Variants in FUT8 observed in about 807,000 individuals in gnomAD.
The protein encoded by FUT8 is alpha-(1,6)-fucosyltransferase.
A neutral mutation model predicts 71.3 loss-of-function variants in FUT8; 29 were observed. That is an observed-to-expected ratio of 0.41 (90% confidence interval 0.30 to 0.55). The LOEUF is 0.55. Among genes scored for constraint, FUT8 ranks in the 20% least tolerant of loss-of-function variants. The pLI is 0.34. For missense variants in FUT8, 544 were observed against 702.1 expected, an observed-to-expected ratio of 0.77 and a Z score of 2.55; for synonymous variants, 254 against 239.3, an observed-to-expected ratio of 1.06 and a Z score of -0.57.
chr14:65,536,105 G>C (rs1456226613), intron 2 of FUT8, among the ~76,000 whole-genome samples: 1 of 152,024 alleles, frequency 6.6e-6, no homozygotes, highest in Non-Finnish European at 1.5e-5. Flanking sequence ...TTGCTTGGTA[G>C]ATTTTTCTCC....
intron 6 of FUT8, among the ~76,000 whole-genome samples, chr14:65,651,210 G>T (rs1428592107): frequency 1.3e-5 from 2 of 152,222 alleles, no homozygotes; most frequent in Non-Finnish European, 2.9e-5. Flanking sequence ...AAAAAAATCT[G>T]TGTTTGAAAT....
At position 65,638,289 on chromosome 14, in the gene FUT8, T is replaced by C. The variant is rs975427510; in HGVS notation, c.597+8683T>C. Among the ~76,000 whole-genome samples the C allele has an allele frequency of 6.6e-6, 1 of 152,162 alleles. No homozygotes were observed. Among genetic ancestry groups the C allele is most frequent in the Admixed American group, 6.5e-5 (1 of 15,280 alleles). On this transcript the variant is annotated intron_variant, in intron 6 of 10. Coordinates refer to ENST00000673929, the MANE Select transcript of FUT8 (RefSeq NM_001371533.1). This position sits in a 1 kb window ranked among gnomAD's most constrained non-coding sequence, Gnocchi z 4.5. Reference sequence around the variant, plus strand: ...TCAAACTTCTGAGCTCAAGCAGTCCTCCTGCCTCAGCTTCCCAAAGTGTTG... The same window carrying C: ...TCAAACTTCTGAGCTCAAGCAGTCCCCCTGCCTCAGCTTCCCAAAGTGTTG...
intron 9 of FUT8, among the ~76,000 whole-genome samples, chr14:65,727,943 C>T (rs1349750552): frequency 6.6e-6 from 1 of 152,172 alleles, no homozygotes; most frequent in African/African-American, 2.4e-5. Context: ...ATCTCTAGGG[C>T]AGAGACAAAA....
chr14:65,456,797 C>T (rs541330804), intron 2 of FUT8, among the ~76,000 whole-genome samples: 25 of 148,334 alleles, frequency 1.7e-4, no homozygotes, highest in Middle Eastern at 3.5e-3. Context: ...CGCTTGAACC[C>T]GGGAGGCAGA....
intron 3 of FUT8, among the ~76,000 whole-genome samples, chr14:65,597,143 A>G (rs922018294): frequency 1.3e-5 from 2 of 152,206 alleles, no homozygotes; most frequent in Non-Finnish European, 2.9e-5. Flanking sequence ...AAGGTTAAAT[A>G]ACTTGCCCAG....
chr14:65,635,395 C>T (rs1276966897), intron 6 of FUT8, among the ~76,000 whole-genome samples: 2 of 152,076 alleles, frequency 1.3e-5, no homozygotes, highest in African/African-American at 2.4e-5. Flanking sequence ...GTGGTGAGAG[C>T]GGGCATCCTT....
chr14:65,475,966 A>T (rs2066233059), intron 2 of FUT8, among the ~76,000 whole-genome samples: 1 of 152,070 alleles, frequency 6.6e-6, no homozygotes, highest in Non-Finnish European at 1.5e-5. Context: ...TGGTAGTAAG[A>T]GCTTGGTGCT....
At chr14:65,561,838 G>T in intron 3 of FUT8, 72 bp downstream of exon 3, 2 of 1,221,922 alleles carry the variant, frequency 1.6e-6, no homozygotes, top group Non-Finnish European at 1.2e-6. Context: ...GCTTCATTCC[G>T]CTAGGAAAAA....
intron 9 of FUT8, among the ~76,000 whole-genome samples, chr14:65,725,631 A>G (rs1236218720): frequency 6.6e-6 from 1 of 152,178 alleles, no homozygotes; most frequent in Non-Finnish European, 1.5e-5. Flanking sequence ...TGTAGTGTTT[A>G]GCACTTGCTT....
intron 6 of FUT8, among the ~76,000 whole-genome samples, chr14:65,662,038 C>G (rs138298098): frequency 6.6e-6 from 1 of 152,196 alleles, no homozygotes; most frequent in Non-Finnish European, 1.5e-5. Context: ...GCAGAGAGAG[C>G]AAATACAGCT....
rs17460428 is a variant in FUT8 at position 65,550,684 on chromosome 14, G to A, written c.-227-10653G>A. Among the ~76,000 whole-genome samples, 1,030 of 151,934 alleles carry A rather than the reference G, an allele frequency of 6.8e-3. 13 individuals carry two copies. Among genetic ancestry groups the A allele is most frequent in the African/African-American group, 0.024 (994 of 41,430 alleles). On this transcript the variant is annotated intron_variant, in intron 2 of 10. Transcript: ENST00000673929. The surrounding 1 kb of genome is among the most constrained non-coding windows in gnomAD (Gnocchi z 4.5). ...TTTTCATTTTTTCTTTTAAATCCTA[G>A]CACATATTTCGATACTTGTTTCAGC...
chr14:65,612,368 C>T (rs767898850), intron 3 of FUT8, among the ~76,000 whole-genome samples: 1 of 152,148 alleles, frequency 6.6e-6, no homozygotes, highest in African/African-American at 2.4e-5. Flanking sequence ...GCATTTTACC[C>T]AGCATCCCAT....
intron 2 of FUT8, among the ~76,000 whole-genome samples, chr14:65,496,263 A>G (rs1168070953): frequency 2.0e-5 from 3 of 152,158 alleles, no homozygotes; most frequent in Non-Finnish European, 4.4e-5. Flanking sequence ...TTATTATTAC[A>G]TAGATTTCCT....
chr14:65,633,012 C>A (rs1015542234), intron 6 of FUT8, among the ~76,000 whole-genome samples: 14 of 147,354 alleles, frequency 9.5e-5, no homozygotes, highest in Middle Eastern at 3.5e-3. Flanking sequence ...CCTCCCCCCC[C>A]CCGTCTCCCC....
chr14:65,625,476 T>C (rs1408663752), intron 5 of FUT8, among the ~76,000 whole-genome samples: 1 of 152,222 alleles, frequency 6.6e-6, no homozygotes, highest in Non-Finnish European at 1.5e-5. Flanking sequence ...CAGGTTAATT[T>C]CTGCATTGTA....
At chr14:65,391,080 C>G in the FUT8 span, among the ~76,000 whole-genome samples, 1 of 152,128 alleles carries the variant, frequency 6.6e-6, no homozygotes, top group African/African-American at 2.4e-5. Context: ...CTACTGATAC[C>G]TACTGGCATC....
chr14:65,504,338 A>G (rs1421005226), intron 2 of FUT8, among the ~76,000 whole-genome samples: 1 of 152,170 alleles, frequency 6.6e-6, no homozygotes, highest in Non-Finnish European at 1.5e-5. Context: ...AGGGATATAT[A>G]TCTTATTTGA....
At chr14:65,728,113 G>A (rs956574604) in intron 9 of FUT8, among the ~76,000 whole-genome samples, 2 of 152,098 alleles carry the variant, frequency 1.3e-5, no homozygotes, top group Non-Finnish European at 2.9e-5. Context: ...TAGGAAGTTC[G>A]AAACTCCCAC....
intron 2 of FUT8, among the ~76,000 whole-genome samples, chr14:65,473,113 A>C (rs993954879): frequency 1.5e-4 from 23 of 152,216 alleles, no homozygotes; most frequent in African/African-American, 5.5e-4. Flanking sequence ...TTTTTTACAA[A>C]GTTATAATAA....
Sources: gnomAD v4.1 joint callset for allele counts (sites outside exome capture counted in the v4.1 genomes callset) on GRCh38, gnomAD v4.1.1 for gene constraint, Gnocchi (gnomAD v3.1) non-coding constraint, MANE v1.5 for transcripts, NCBI Gene and HGNC (gene_info 2026-07-23, HGNC 2026-07-21) for gene names.